NEURL1: variants seen among roughly 807,000 people sequenced by gnomAD.
NEURL1 encodes the protein E3 ubiquitin-protein ligase NEURL1.
In NEURL1, 26 loss-of-function variants were observed where a neutral mutation model predicts 41.2. The ratio of observed to expected loss-of-function variants is 0.63; its 90% CI spans 0.46 to 0.87. NEURL1 has a LOEUF of 0.87. Ranked by LOEUF, NEURL1 falls within the 40% of genes least tolerant of loss-of-function variation. NEURL1 has a pLI of 0.00. For synonymous variants in NEURL1, 400 were observed against 402.3 expected (o/e 0.99, Z 0.07); for missense variants, 761 against 871.1 (o/e 0.87, Z 1.59).
At position 103,571,077 on chromosome 10, in the gene NEURL1, C is replaced by T. The variant is rs1438409629; in HGVS notation, c.291C>T (p.Asn97=). 1.9e-6 allele frequency: 3 copies of T among 1,613,714 alleles called. No individual in the cohort carries two copies. The highest frequency in any genetic ancestry group is 1.7e-5 in the Admixed American group (1 of 60,000). Residue 97 remains asparagine, a synonymous_variant, in exon 2 of 6, where the codon AAC becomes AAT. Coordinates refer to ENST00000369780, the MANE Select transcript of NEURL1 (RefSeq NM_004210.5). ...TCTGCAACGCCATCACCTTCAGCAA[C>T]CGCCCGGTCCTCATCTACGAGCAAG... is the stretch of plus-strand genomic sequence containing the variant. The part of the protein sequence containing the change: ...ASFCNAITFS[N]RPVLIYEQVR...
At chr10:103,509,346 A>G (rs55817828) in intron 1 of NEURL1, among the ~76,000 whole-genome samples, 37,136 of 152,116 alleles carry the variant, frequency 0.24, 4,827 homozygotes, top group Admixed American at 0.29. Context: ...GGGGAACAGC[A>G]CAGAGTGCAC....
At chr10:103,501,706 C>T (rs2033828961) in intron 1 of NEURL1, among the ~76,000 whole-genome samples, 4 of 151,608 alleles carry the variant, frequency 2.6e-5, no homozygotes, top group Admixed American at 6.6e-5. Context: ...GATCTCAGCT[C>T]ACTGCAACCT....
rs999090982 is a variant in NEURL1, at chr10:103,591,084, C to T, written c.*712C>T. ...GCACATGGACAGGCTGCAGAGGGCT[C>T]CAGGTTCTGGGCCCCTGGCTGAGAA... On this transcript the variant is annotated 3_prime_UTR_variant, in exon 6 of 6. Coordinates refer to ENST00000369780, the MANE Select transcript of NEURL1 (RefSeq NM_004210.5). 4 of 152,878 alleles carry T rather than the reference C, an allele frequency of 2.6e-5. No homozygotes were observed. Among genetic ancestry groups the T allele is most frequent in the African/African-American group, 9.6e-5 (4 of 41,468 alleles). The allele number at this position is 152,878 out of a possible 1,614,324, so 9.5% of individuals were successfully genotyped here.
chr10:103,573,372 C>G (rs1224885290), intron 3 of NEURL1, among the ~76,000 whole-genome samples: 2 of 152,100 alleles, frequency 1.3e-5, no homozygotes, highest in African/African-American at 4.8e-5. Context: ...CCTAGCCTCA[C>G]GCTGTACTAG....
chr10:103,571,443 C>A, intron 2 of NEURL1, 58 bp from the exon 3 acceptor site: 1 of 1,514,436 alleles, frequency 6.6e-7, no homozygotes, highest in African/African-American at 1.4e-5. Flanking sequence ...GGGAGGCTGC[C>A]CTTGGTCTGA....
intron 1 of NEURL1, among the ~76,000 whole-genome samples, chr10:103,538,121 GTCTC>G (rs1564814635): frequency 6.6e-6 from 1 of 151,992 alleles, no homozygotes; most frequent in African/African-American, 2.4e-5. Flanking sequence ...TTGAGACAGA[GTCTC>G]TCTCTGTCGC....
intron 1 of NEURL1, among the ~76,000 whole-genome samples, chr10:103,532,917 C>T (rs1431898638): frequency 3.8e-5 from 5 of 129,946 alleles, no homozygotes; most frequent in African/African-American, 1.2e-4. Context: ...TCCTTCTCTT[C>T]TCCTTTTTTT....
chr10:103,520,628 T>A (rs544477536), intron 1 of NEURL1, among the ~76,000 whole-genome samples: 1 of 152,150 alleles, frequency 6.6e-6, no homozygotes, highest in Non-Finnish European at 1.5e-5. Flanking sequence ...TGGCTTGAGC[T>A]CAGAGGCCTG....
At chr10:103,530,694 C>A (rs922115196) in intron 1 of NEURL1, among the ~76,000 whole-genome samples, 25 of 152,022 alleles carry the variant, frequency 1.6e-4, no homozygotes, top group African/African-American at 5.8e-4. Context: ...GTGTGCGCCA[C>A]CACAGCCAGC....
chr10:103,494,145 A>C lies in NEURL1; in HGVS notation c.-243A>C. 7.2e-6 allele frequency: 3 copies of C among 414,722 alleles called. No homozygotes were observed. Among genetic ancestry groups the C allele is most frequent in the Non-Finnish European group, 1.3e-5 (3 of 233,766 alleles). 25.7% of individuals were successfully genotyped at this position (414,722 alleles called of 1,614,324 possible). A position where few individuals can be genotyped will look rare whatever the true frequency, so the allele number is the denominator to read the frequency against. ...CCTGCTTGTGGCCCCCGCTCCCGCCACGGGGCATGGGAGGCAGGTAGCCCA... is the reference window on the plus strand; with the variant it reads ...CCTGCTTGTGGCCCCCGCTCCCGCCCCGGGGCATGGGAGGCAGGTAGCCCA... On this transcript the variant is annotated 5_prime_UTR_variant, in exon 1 of 6. Coordinates refer to ENST00000369780, the MANE Select transcript of NEURL1 (RefSeq NM_004210.5).
At chr10:103,576,397 G>T (rs889810548) in intron 3 of NEURL1, among the ~76,000 whole-genome samples, 5 of 152,208 alleles carry the variant, frequency 3.3e-5, no homozygotes, top group Non-Finnish European at 5.9e-5. Context: ...GAGGTAGAAA[G>T]GTAGTGGGTG....
At chr10:103,507,585 C>T (rs564216555) in intron 1 of NEURL1, among the ~76,000 whole-genome samples, 3 of 152,252 alleles carry the variant, frequency 2.0e-5, no homozygotes, top group South Asian at 4.1e-4. Flanking sequence ...GGTCAACATG[C>T]ACCTGGGGGC....
rs759822781 is a variant in NEURL1 at position 103,566,035 on chromosome 10, A to G, written c.86-4837A>G. The stretch of plus-strand genomic sequence containing the variant: ...GTGTACAGTTTTGTGAGTTTTTACA[A>G]TGTACAAGTTGTGTAACCACTACCC... On this transcript the variant is annotated intron_variant, in intron 1 of 5. Transcript: ENST00000369780. This position sits in a 1 kb window ranked among gnomAD's most constrained non-coding sequence, Gnocchi z 4.2. Among the ~76,000 whole-genome samples the G allele has an allele frequency of 7.9e-5, 12 of 152,162 alleles. No homozygotes were observed. Among genetic ancestry groups the G allele is most frequent in the African/African-American group, 1.4e-4 (6 of 41,442 alleles).
chr10:103,590,442 C>A lies in NEURL1; in HGVS notation c.*70C>A. The A allele has an allele frequency of 1.5e-6, 2 of 1,342,340 alleles. No individual in the cohort carries two copies. Among genetic ancestry groups the A allele is most frequent in the Non-Finnish European group, 2.1e-6 (2 of 945,836 alleles). The allele number at this position is 1,342,340 out of a possible 1,614,324, so 83.2% of individuals were successfully genotyped here. A position where few individuals can be genotyped will look rare whatever the true frequency, so the allele number is the denominator to read the frequency against. On this transcript the variant is annotated 3_prime_UTR_variant, in exon 6 of 6. Coordinates refer to ENST00000369780, the MANE Select transcript of NEURL1 (RefSeq NM_004210.5). ...AGCCCAGTCCCAGCTGAGGAACAAG[C>A]CAGTGGGGCCCCTTCTCTTCCTCAT...
chr10:103,585,100 C>G lies in NEURL1; in HGVS notation c.1214C>G (p.Ala405Gly), dbSNP rs1375731373. Residue 405 changes from alanine (A) to glycine (G), a missense_variant, in exon 4 of 6, where the codon GCC becomes GGC. This residue lies in a region of NEURL1 where 443 missense variants were observed against 408.1 expected (regional missense o/e 1.09). Transcript: ENST00000369780. Reference sequence around the variant, plus strand: ...GACATCCTGGGCCTGGTGGTCAACGCCGACGGCGAGCTGCACCTCAGCCAC... The same window carrying G: ...GACATCCTGGGCCTGGTGGTCAACGGCGACGGCGAGCTGCACCTCAGCCAC... ...SGDILGLVVN[A>G]DGELHLSHNG... is the part of the protein sequence containing the mutation. The G allele has an allele frequency of 6.9e-6, 11 of 1,590,012 alleles. No individual in the cohort carries two copies. The highest frequency in any genetic ancestry group is 9.4e-6 in the Non-Finnish European group (11 of 1,176,154).
Position 103,590,141 on chromosome 10 carries a change from C to G in NEURL1, c.1494C>G (p.Ala498=), listed in dbSNP as rs1248287237. 1 of 1,613,656 alleles carries G rather than the reference C, an allele frequency of 6.2e-7. No individual in the cohort carries two copies. Among genetic ancestry groups the G allele is most frequent in the Non-Finnish European group, 8.5e-7 (1 of 1,180,042 alleles). The change falls in exon 6 of 6, where the codon GCC becomes GCG. Residue 498 remains alanine (A), a synonymous_variant. Transcript: ENST00000369780. ...GPLGSSAGGT[A]PNSPVSLPES... ...GTGCCCCCTTGTCCTCAGGGACAGC[C>G]CCCAATTCGCCAGTGAGCCTGCCCG... is the stretch of plus-strand genomic sequence containing the variant.
At chr10:103,503,094 T>G (rs1385498880) in intron 1 of NEURL1, among the ~76,000 whole-genome samples, 1 of 152,216 alleles carries the variant, frequency 6.6e-6, no homozygotes, top group African/African-American at 2.4e-5. Context: ...GGGCTGCCTT[T>G]TGGCCATTTC....
At chr10:103,547,642 G>C (rs748078577) in intron 1 of NEURL1, among the ~76,000 whole-genome samples, 1 of 152,248 alleles carries the variant, frequency 6.6e-6, no homozygotes, top group African/African-American at 2.4e-5. Flanking sequence ...GACACAAGAA[G>C]GAGTGGGCAC....
chr10:103,533,092 A>T (rs937225438), intron 1 of NEURL1, among the ~76,000 whole-genome samples: 13 of 150,010 alleles, frequency 8.7e-5, no homozygotes, highest in African/African-American at 1.2e-4. Flanking sequence ...ATGCCTGGCT[A>T]TTTTTTTTGT....
Sources: allele counts gnomAD v4.1 joint callset (sites outside exome capture counted in the v4.1 genomes callset), GRCh38; gene constraint gnomAD v4.1.1; regional missense constraint gnomAD v4.1.1; non-coding constraint Gnocchi (gnomAD v3.1); transcripts MANE v1.5; gene names NCBI Gene and HGNC (gene_info 2026-07-23, HGNC 2026-07-21).